KCNQ3: variants seen among roughly 807,000 people sequenced by gnomAD.
KCNQ3 encodes potassium voltage-gated channel subfamily KQT member 3.
A neutral mutation model predicts 92.5 loss-of-function variants in KCNQ3; 30 were observed. That is an observed-to-expected ratio of 0.32 (90% CI 0.24 to 0.44). The LOEUF is 0.44. Among genes scored for constraint, KCNQ3 ranks in the 20% least tolerant of loss-of-function variants. The pLI is 1.00. For missense variants in KCNQ3, 913 were observed against 1,140.3 expected (o/e 0.80, Z 2.87); for synonymous variants, 450 against 468.8 (o/e 0.96, Z 0.52).
At chr8:132,422,344 C>T (rs1426806896) in intron 1 of KCNQ3, among the ~76,000 whole-genome samples, 1 of 152,216 alleles carries the variant, frequency 6.6e-6, no homozygotes, top group Non-Finnish European at 1.5e-5. Flanking sequence ...CCACCACTCA[C>T]TGCATCACTC....
intron 4 of KCNQ3, among the ~76,000 whole-genome samples, chr8:132,179,044 T>C (rs73355102): frequency 0.078 from 11,562 of 148,020 alleles, 518 homozygotes; most frequent in South Asian, 0.11. Flanking sequence ...CTTGGCTTTG[T>C]ACCCCCAAAG....
intron 1 of KCNQ3, among the ~76,000 whole-genome samples, chr8:132,197,094 C>A (rs914758625): frequency 6.6e-6 from 1 of 150,980 alleles, no homozygotes; most frequent in Non-Finnish European, 1.5e-5. Context: ...ATTTGTAGAA[C>A]CCCTAGCAAG....
chr8:132,422,529 C>A (rs1354741117), intron 1 of KCNQ3, among the ~76,000 whole-genome samples: 2 of 152,208 alleles, frequency 1.3e-5, no homozygotes, highest in Non-Finnish European at 2.9e-5. Context: ...GCTCCTCTGG[C>A]CTTCCTTTAG....
intron 1 of KCNQ3, among the ~76,000 whole-genome samples, chr8:132,461,388 AC>A (rs1312950701): frequency 6.6e-6 from 1 of 151,998 alleles, no homozygotes; most frequent in Admixed American, 6.6e-5. Flanking sequence ...ACGTGGTGAA[AC>A]CCCGTCTCCA....
chr8:132,435,408 T>C (rs1402362917), intron 1 of KCNQ3, among the ~76,000 whole-genome samples: 1 of 152,076 alleles, frequency 6.6e-6, no homozygotes, highest in Non-Finnish European at 1.5e-5. Context: ...TCCTTACAGC[T>C]AAGGAACTAA....
At chr8:132,221,442 A>C (rs1022931288) in intron 1 of KCNQ3, among the ~76,000 whole-genome samples, 1 of 152,318 alleles carries the variant, frequency 6.6e-6, no homozygotes, top group Admixed American at 6.5e-5. Flanking sequence ...ACAGTGTAAA[A>C]GTGTTCCTAT....
At chr8:132,168,268 T>TA (rs1264811170) in intron 8 of KCNQ3, among the ~76,000 whole-genome samples, 1 of 152,134 alleles carries the variant, frequency 6.6e-6, no homozygotes, top group Non-Finnish European at 1.5e-5. Context: ...CTTGAGTCCA[T>TA]AGATCCATCC....
intron 1 of KCNQ3, among the ~76,000 whole-genome samples, chr8:132,414,205 C>G (rs1261851712): frequency 6.6e-6 from 1 of 152,210 alleles, no homozygotes; most frequent in Non-Finnish European, 1.5e-5. Context: ...TTCAGCATCA[C>G]AGAGGGGGAA....
intron 13 of KCNQ3, 116 bp from the exon 14 acceptor site, chr8:132,132,380 T>C: frequency 1.2e-6 from 1 of 805,890 alleles, no homozygotes; most frequent in Non-Finnish European, 2.1e-6. Context: ...CACACTTGTG[T>C]GGCATAAAAG....
intron 6 of KCNQ3, 94 bp from the exon 7 acceptor site, chr8:132,172,787 T>C (rs1826421577): frequency 6.8e-6 from 6 of 880,954 alleles, no homozygotes; most frequent in Middle Eastern, 2.5e-4. Flanking sequence ...TAGGGCTCAA[T>C]TGCACTTCAA....
intron 7 of KCNQ3, 148 bp from the exon 8 acceptor site, chr8:132,170,576 T>A (rs1392721097): frequency 1.5e-6 from 1 of 651,488 alleles, no homozygotes; most frequent in East Asian, 2.7e-5. Flanking sequence ...CCGAGATTCT[T>A]GGCTTTTTGA....
At chr8:132,447,214 C>A (rs1314120998) in intron 1 of KCNQ3, 1 of 1,535,536 alleles carries the variant, frequency 6.5e-7, no homozygotes, top group Non-Finnish European at 8.7e-7. Context: ...GTGGCGTGTT[C>A]TGCAGGCTTC....
At chr8:132,241,913 A>C (rs1268949903) in intron 1 of KCNQ3, among the ~76,000 whole-genome samples, 1 of 152,156 alleles carries the variant, frequency 6.6e-6, no homozygotes, top group Non-Finnish European at 1.5e-5. Context: ...TTTTTGCAGA[A>C]ATGAAACTGC....
intron 1 of KCNQ3, among the ~76,000 whole-genome samples, chr8:132,207,781 C>G (rs565173375): frequency 6.6e-6 from 1 of 151,938 alleles, no homozygotes; most frequent in East Asian, 1.9e-4. Flanking sequence ...CACATAGACA[C>G]AAAGTCAGAT....
intron 9 of KCNQ3, among the ~76,000 whole-genome samples, chr8:132,146,901 G>A (rs1825467038): frequency 6.6e-6 from 1 of 151,520 alleles, no homozygotes; most frequent in South Asian, 2.1e-4. Context: ...CAGGTGATAC[G>A]CCCGCCTCGG....
chr8:132,322,350 C>T (rs1351185496), intron 1 of KCNQ3, among the ~76,000 whole-genome samples: 2 of 152,114 alleles, frequency 1.3e-5, no homozygotes, highest in Non-Finnish European at 2.9e-5. Flanking sequence ...GACATCCCTG[C>T]TGGCTCAGAG....
chr8:132,178,051 A>T (rs866818523), intron 4 of KCNQ3, among the ~76,000 whole-genome samples: 1 of 152,316 alleles, frequency 6.6e-6, no homozygotes, highest in Non-Finnish European at 1.5e-5. Flanking sequence ...CAAACTTCCA[A>T]TGGTCTCTGG....
intron 1 of KCNQ3, among the ~76,000 whole-genome samples, chr8:132,462,467 C>T (rs1227456619): frequency 1.3e-5 from 2 of 152,130 alleles, no homozygotes; most frequent in Admixed American, 6.5e-5. Context: ...AAATTACAGG[C>T]GTGAGCCACT....
rs183466560 is a variant in KCNQ3, at chr8:132,217,229, C to T, written c.387-31048G>A. On this transcript the variant is annotated intron_variant, in intron 1 of 14. Transcript: ENST00000388996. ...TGACAGGTGATTGTTAAACATTCCT[C>T]AGCACACCACGGGAGAAGAGTCCAG... Among the ~76,000 whole-genome samples, 334 of 152,248 alleles carry T rather than the reference C, an allele frequency of 2.2e-3. 1 individual carries two copies. The highest frequency in any genetic ancestry group is 3.0e-3 in the Non-Finnish European group (202 of 68,022).
Sources: gnomAD v4.1 joint callset for allele counts (sites outside exome capture counted in the v4.1 genomes callset) on GRCh38, gnomAD v4.1.1 for gene constraint, MANE v1.5 for transcripts, NCBI Gene and HGNC (gene_info 2026-07-23, HGNC 2026-07-21) for gene names.